The following AGBL4 variants were observed in gnomAD, a reference collection of about 807,000 sequenced individuals.
The protein encoded by AGBL4 is cytosolic carboxypeptidase 6.
In AGBL4, 58 loss-of-function variants were observed where a neutral mutation model predicts 66.4. That is an observed-to-expected ratio of 0.87 (90% CI 0.71 to 1.09). The LOEUF (loss-of-function observed/expected upper bound fraction) is 1.09, where lower values mean the gene tolerates loss of function less well. Ranked by LOEUF, AGBL4 falls within the 50% of genes least tolerant of loss-of-function variation. The pLI is 0.00. For missense variants in AGBL4, 579 were observed against 631.0 expected (o/e 0.92, Z 0.88); for synonymous variants, 234 against 222.9 (o/e 1.05, Z -0.44).
chr1:48,834,109 C>T (rs979375331), intron 6 of AGBL4, among the ~76,000 whole-genome samples: 2 of 152,144 alleles, frequency 1.3e-5, no homozygotes, highest in African/African-American at 4.8e-5. Flanking sequence ...TCCGATTTCT[C>T]CCTTTTTGGA....
intron 9 of AGBL4, among the ~76,000 whole-genome samples, chr1:48,594,034 G>A (rs319961): frequency 0.28 from 42,233 of 151,998 alleles, 6,111 homozygotes; most frequent in South Asian, 0.34. Context: ...TATGTTTAAA[G>A]ATGATTTGCA....
intron 2 of AGBL4, among the ~76,000 whole-genome samples, chr1:49,770,086 TCCCAG>T (rs2147880973): frequency 6.6e-6 from 1 of 152,268 alleles, no homozygotes; most frequent in Admixed American, 6.5e-5. Flanking sequence ...ACGCCTGTAA[TCCCAG>T]CACTTTAGGA....
intron 9 of AGBL4, among the ~76,000 whole-genome samples, chr1:48,603,600 A>G (rs1240563494): frequency 6.6e-6 from 1 of 152,186 alleles, no homozygotes; most frequent in Non-Finnish European, 1.5e-5. Flanking sequence ...CTAAGGAGTC[A>G]TGAATTTTCC....
At chr1:48,817,393 T>C (rs141449279) in intron 6 of AGBL4, 1 of 152,306 alleles carries the variant, frequency 6.6e-6, no homozygotes, top group East Asian at 1.9e-4. Context: ...CTTTGACATT[T>C]AGGGCCCAAG....
intron 3 of AGBL4, among the ~76,000 whole-genome samples, chr1:49,590,937 G>T (rs558025770): frequency 4.0e-5 from 6 of 151,832 alleles, no homozygotes; most frequent in African/African-American, 1.5e-4. Context: ...AATCACAAGG[G>T]ATATTAGAAA....
intron 4 of AGBL4, among the ~76,000 whole-genome samples, chr1:49,095,483 A>T (rs1229150201): frequency 6.6e-6 from 1 of 152,242 alleles, no homozygotes; most frequent in Non-Finnish European, 1.5e-5. Flanking sequence ...GTACCAAAAC[A>T]GAGATAGATA....
At chr1:49,292,373 C>A (rs886196409) in intron 3 of AGBL4, among the ~76,000 whole-genome samples, 3 of 152,204 alleles carry the variant, frequency 2.0e-5, no homozygotes, top group Admixed American at 6.5e-5. Context: ...TTAGACCCCA[C>A]CTTCAAGCCA....
intron 3 of AGBL4, among the ~76,000 whole-genome samples, chr1:49,455,985 C>A (rs1007528258): frequency 1.3e-5 from 2 of 151,686 alleles, no homozygotes; most frequent in African/African-American, 2.4e-5. Flanking sequence ...ATAATGAGGG[C>A]AAGAACTTTG....
chr1:49,207,655 G>A (rs1254789645), intron 4 of AGBL4, among the ~76,000 whole-genome samples: 1 of 144,322 alleles, frequency 6.9e-6, no homozygotes, highest in Non-Finnish European at 1.5e-5. Context: ...GTACATACTT[G>A]ATCACAGCTC....
At chr1:49,245,257 TACACACACACACAC>T (rs139244286) in intron 4 of AGBL4, among the ~76,000 whole-genome samples, 13 of 139,146 alleles carry the variant, frequency 9.3e-5, no homozygotes, top group Middle Eastern at 3.6e-3. Context: ...AACTTTAAAA[TACACACACACACAC>T]ACACACACAC....
In AGBL4 at chr1:49,990,527, A is replaced by C. The variant is rs557884634; in HGVS notation, c.34+33236T>G. On this transcript the variant is annotated intron_variant, in intron 1 of 13. Coordinates refer to ENST00000371839, the MANE Select transcript of AGBL4 (RefSeq NM_032785.4). ...AGCCAGGCAAAACTGTGAGTCAATC[A>C]AGCCTCTTTCCTTTGTAAATTCCCC... Among the ~76,000 whole-genome samples, 11 of 152,262 alleles carry C rather than the reference A, an allele frequency of 7.2e-5. No individual in the cohort carries two copies. The East Asian group carries it at 2.1e-3, about 29-fold the overall frequency.
chr1:48,964,819 T>C (rs936149388), intron 5 of AGBL4, among the ~76,000 whole-genome samples: 2 of 152,284 alleles, frequency 1.3e-5, no homozygotes, highest in Middle Eastern at 3.4e-3. Flanking sequence ...TTGTTTGATA[T>C]GAAACTCACA....
chr1:49,244,050 G>A (rs576319535), intron 4 of AGBL4, among the ~76,000 whole-genome samples: 19 of 151,798 alleles, frequency 1.3e-4, no homozygotes, highest in African/African-American at 4.3e-4. Flanking sequence ...TAGCAGAGAA[G>A]ACACAACATA....
At chr1:48,991,687 T>C (rs561027218) in intron 5 of AGBL4, among the ~76,000 whole-genome samples, 2 of 152,224 alleles carry the variant, frequency 1.3e-5, no homozygotes, top group East Asian at 1.9e-4. Flanking sequence ...CTCTCTTTTG[T>C]CTCTTCTGAC....
chr1:49,875,079 G>C (rs1218951243), intron 1 of AGBL4, among the ~76,000 whole-genome samples: 1 of 144,724 alleles, frequency 6.9e-6, no homozygotes, highest in Non-Finnish European at 1.5e-5. Flanking sequence ...TGTGGTATTT[G>C]GTTTTTTTGT....
chr1:49,294,945 T>C (rs947198176), intron 3 of AGBL4, among the ~76,000 whole-genome samples: 1 of 152,242 alleles, frequency 6.6e-6, no homozygotes, highest in Non-Finnish European at 1.5e-5. Flanking sequence ...TTCTTAAGGA[T>C]AAGACTTTAT....
chr1:49,594,611 G>A (rs1644816494), intron 3 of AGBL4, among the ~76,000 whole-genome samples: 1 of 152,292 alleles, frequency 6.6e-6, no homozygotes, highest in South Asian at 2.1e-4. Context: ...GTGAGAACAT[G>A]TGGTGTTTGG....
At chr1:49,752,819 T>C (rs879021493) in intron 2 of AGBL4, among the ~76,000 whole-genome samples, 3 of 152,222 alleles carry the variant, frequency 2.0e-5, no homozygotes, top group African/African-American at 4.8e-5. Flanking sequence ...TTTACCATTA[T>C]GTAATGCCCT....
chr1:49,166,547 C>A (rs1425688423), intron 4 of AGBL4, among the ~76,000 whole-genome samples: 1 of 152,118 alleles, frequency 6.6e-6, no homozygotes, highest in Non-Finnish European at 1.5e-5. Flanking sequence ...TTGTAGAAAA[C>A]TTTGCATGGT....
Sources: allele counts gnomAD v4.1 joint callset (sites outside exome capture counted in the v4.1 genomes callset), GRCh38; gene constraint gnomAD v4.1.1; transcripts MANE v1.5; gene names NCBI Gene and HGNC (gene_info 2026-07-23, HGNC 2026-07-21).